Variants in MAPK14 observed in about 807,000 individuals in gnomAD.
The protein encoded by MAPK14 is CSAID-binding protein.
Under a neutral mutation model 49.6 loss-of-function variants are expected in MAPK14, and 16 were observed. The observed-to-expected ratio is 0.32, with a 90% confidence interval of 0.22 to 0.49. The LOEUF (loss-of-function observed/expected upper bound fraction) is 0.49. MAPK14 is among the 20% of genes least tolerant of loss of function. MAPK14 has a pLI of 0.99. For missense variants in MAPK14, 200 were observed against 441.2 expected, an observed-to-expected ratio of 0.45 and a Z score of 4.90; for synonymous variants, 142 against 158.0, an observed-to-expected ratio of 0.90 and a Z score of 0.76.
intron 10 of MAPK14, among the ~76,000 whole-genome samples, chr6:36,106,168 A>T (rs1765791063): frequency 6.6e-6 from 1 of 152,188 alleles, no homozygotes; most frequent in Admixed American, 6.5e-5. Flanking sequence ...CATCACCTGT[A>T]TTTTTGCTGA....
chr6:36,066,284 A>C (rs532545598), intron 3 of MAPK14, among the ~76,000 whole-genome samples: 1 of 152,228 alleles, frequency 6.6e-6, no homozygotes, highest in East Asian at 1.9e-4. Flanking sequence ...TTTCTGATCT[A>C]AGGCTATGAT....
chr6:36,040,078 G>A lies in MAPK14; in HGVS notation c.116+11805G>A, dbSNP rs116818834. On this transcript the variant is annotated intron_variant, in intron 1 of 11. Transcript: ENST00000229794. ...TAGATGGCTTTGGAAGTCCTCTGTA[G>A]TTTTGGATCTTGAAGCATTTTAGGT... Among the ~76,000 whole-genome samples, 152 of 151,994 alleles carry A rather than the reference G, an allele frequency of 1.0e-3. 1 individual carries two copies. Among genetic ancestry groups the A allele is most frequent in the African/African-American group, 3.5e-3 (146 of 41,466 alleles).
At chr6:36,040,588 G>A (rs1762927570) in intron 1 of MAPK14, among the ~76,000 whole-genome samples, 1 of 152,208 alleles carries the variant, frequency 6.6e-6, no homozygotes, top group Non-Finnish European at 1.5e-5. Flanking sequence ...ACTTGCACAA[G>A]CATGTTTGCA....
chr6:36,103,322 A>ATTTATTTAT (rs143121066), intron 10 of MAPK14, among the ~76,000 whole-genome samples: 3 of 147,286 alleles, frequency 2.0e-5, no homozygotes, highest in South Asian at 4.3e-4. Flanking sequence ...CTTTATTATT[A>ATTTATTTAT]TTATTTATTT....
In MAPK14 at chr6:36,073,114, C is replaced by T. The variant is rs571725770; in HGVS notation, c.417+130C>T. 1.5e-4 allele frequency: 101 copies of T among 678,852 alleles called. 1 individual carries two copies. In the Middle Eastern group the frequency reaches 3.3e-3, roughly 22 times the overall value. 42.1% of individuals were successfully genotyped at this position (678,852 alleles called of 1,614,324 possible). On this transcript the variant is annotated intron_variant, in intron 4 of 11. Transcript: ENST00000229794. ...AACACATAAAATCACAGGTAAAGGT[C>T]ATATAGTACAGTAAACTGCCATGTT...
At chr6:36,036,699 G>T (rs1325883655) in intron 1 of MAPK14, among the ~76,000 whole-genome samples, 1 of 152,036 alleles carries the variant, frequency 6.6e-6, no homozygotes, top group Admixed American at 6.6e-5. Flanking sequence ...CTTGCTGAAG[G>T]CTCAGGTGAC....
Position 36,084,441 on chromosome 6 carries a change from A to G in MAPK14, c.682+7833A>G, listed in dbSNP as rs112096177. Among the ~76,000 whole-genome samples the G allele has an allele frequency of 3.9e-3, 598 of 152,324 alleles. 4 individuals carry two copies. The highest frequency in any genetic ancestry group is 0.014 in the African/African-American group (563 of 41,564). On this transcript the variant is annotated intron_variant, in intron 8 of 11. Coordinates refer to ENST00000229794, the MANE Select transcript of MAPK14 (RefSeq NM_139012.3). ...TGTTCTAACCCAATGCAAAGAATCT[A>G]AGAACCATGATAAAACATTACAGGA... is the stretch of plus-strand genomic sequence containing the variant.
chr6:36,032,581 A>G (rs1762584477), intron 1 of MAPK14, among the ~76,000 whole-genome samples: 1 of 152,210 alleles, frequency 6.6e-6, no homozygotes, highest in African/African-American at 2.4e-5. Context: ...ACTGGTAACC[A>G]TGAAATAGGA....
rs1368226839 is a variant in MAPK14 at position 36,096,145 on chromosome 6, GGT to G, written c.762+84_762+85del. On this transcript the variant is annotated intron_variant, in intron 9 of 11. Coordinates refer to ENST00000229794, the MANE Select transcript of MAPK14 (RefSeq NM_139012.3). The stretch of plus-strand genomic sequence containing the variant: ...TTCTACCAATCTGTACTTTGACCTG[GGT>G]GTGTTTGTAAGCACACATGCCCTTT... The G allele has an allele frequency of 3.0e-6, 3 of 1,001,048 alleles. No individual in the cohort carries two copies. In the African/African-American group the frequency reaches 4.8e-5, roughly 16 times the overall value. The allele number at this position is 1,001,048 out of a possible 1,614,324, so 62.0% of individuals were successfully genotyped here. A position where few individuals can be genotyped will look rare whatever the true frequency, so the allele number is the denominator to read the frequency against.
chr6:36,110,583 C>G lies in MAPK14; in HGVS notation c.*2136C>G, dbSNP rs1355962458. 2 of 152,658 alleles carry G rather than the reference C, an allele frequency of 1.3e-5. No individual in the cohort carries two copies. Among genetic ancestry groups the G allele is most frequent in the East Asian group, 3.8e-4 (2 of 5,204 alleles). The allele number at this position is 152,658 out of a possible 1,614,324, so 9.5% of individuals were successfully genotyped here. On this transcript the variant is annotated 3_prime_UTR_variant, in exon 12 of 12. Coordinates refer to ENST00000229794, the MANE Select transcript of MAPK14 (RefSeq NM_139012.3). Reference sequence around the variant, plus strand: ...CTCTAAGCTGGAGCTCTTGGAAGAGCTCTTCGGTTTCTGAGCATAATGCTC... The same window carrying G: ...CTCTAAGCTGGAGCTCTTGGAAGAGGTCTTCGGTTTCTGAGCATAATGCTC...
At chr6:36,060,985 A>G (rs368821901) in intron 3 of MAPK14, among the ~76,000 whole-genome samples, 1 of 152,220 alleles carries the variant, frequency 6.6e-6, no homozygotes, top group Non-Finnish European at 1.5e-5. Context: ...TTGATACAAC[A>G]ATATGGAGGC....
Position 36,028,589 on chromosome 6 carries a change from A to G in MAPK14, c.116+316A>G, listed in dbSNP as rs61763100. On this transcript the variant is annotated intron_variant, in intron 1 of 11. Coordinates refer to ENST00000229794, the MANE Select transcript of MAPK14 (RefSeq NM_139012.3). This position sits in a 1 kb window ranked among gnomAD's most constrained non-coding sequence, Gnocchi z 5.1. ...CTGCTCGGCAACAGGCACCGGGGGA[A>G]GGGCCGCTTCCTTGGGGGTCTCCCT... Among the ~76,000 whole-genome samples, 212 of 152,228 alleles carry G rather than the reference A, an allele frequency of 1.4e-3. 1 individual carries two copies. Among genetic ancestry groups the G allele is most frequent in the Non-Finnish European group, 2.4e-3 (163 of 67,980 alleles).
chr6:36,112,343 G>C (rs750269886), downstream of MAPK14, among the ~76,000 whole-genome samples: 12 of 152,264 alleles, frequency 7.9e-5, no homozygotes, highest in Non-Finnish European at 5.9e-5. Context: ...ACCACAAAAA[G>C]CTCCCCTGAA....
the MAPK14 span, among the ~76,000 whole-genome samples, chr6:36,121,943 T>G: frequency 6.6e-6 from 1 of 152,242 alleles, no homozygotes. Context: ...TTAAGTTACA[T>G]GTATGTAAAG....
At position 36,027,995 on chromosome 6, in the gene MAPK14, CCG is replaced by C; in HGVS notation, c.-154_-153del. 1 of 447,484 alleles carries C rather than the reference CCG, an allele frequency of 2.2e-6. No homozygotes were observed. Among genetic ancestry groups the C allele is most frequent in the Non-Finnish European group, 3.9e-6 (1 of 256,096 alleles). 27.7% of individuals were successfully genotyped at this position (447,484 alleles called of 1,614,324 possible). ...ATCCAGCCGCTGCGGCTGACAGCAG[CCG>C]CGCGCGCGGGAGTCTGCGGGGTCGC... is the stretch of plus-strand genomic sequence containing the variant. On this transcript the variant is annotated 5_prime_UTR_variant, in exon 1 of 12. Coordinates refer to ENST00000229794, the MANE Select transcript of MAPK14 (RefSeq NM_139012.3).
At chr6:36,072,393 A>C (rs1016829001) in intron 3 of MAPK14, among the ~76,000 whole-genome samples, 10 of 152,218 alleles carry the variant, frequency 6.6e-5, no homozygotes, top group Non-Finnish European at 1.0e-4. Context: ...CCTTCCCCCC[A>C]AAAAATGAGT....
chr6:36,040,359 T>C (rs548120532), intron 1 of MAPK14, among the ~76,000 whole-genome samples: 1 of 152,306 alleles, frequency 6.6e-6, no homozygotes, highest in Middle Eastern at 3.4e-3. Flanking sequence ...ACCACTTATA[T>C]AACCCTATAT....
At chr6:36,104,419 G>A (rs1173745663) in intron 10 of MAPK14, among the ~76,000 whole-genome samples, 6 of 151,660 alleles carry the variant, frequency 4.0e-5, no homozygotes, top group Admixed American at 1.3e-4. Context: ...ACAGAGTCTC[G>A]CTCTGTCGTC....
At chr6:36,063,463 G>T (rs920582281) in intron 3 of MAPK14, among the ~76,000 whole-genome samples, 1 of 152,114 alleles carries the variant, frequency 6.6e-6, no homozygotes, top group Non-Finnish European at 1.5e-5. Context: ...AGTGGTGCAT[G>T]CCTGTAGTCC....
Sources: gnomAD v4.1 joint callset for allele counts (sites outside exome capture counted in the v4.1 genomes callset) on GRCh38, gnomAD v4.1.1 for gene constraint, Gnocchi (gnomAD v3.1) non-coding constraint, MANE v1.5 for transcripts, NCBI Gene and HGNC (gene_info 2026-07-23, HGNC 2026-07-21) for gene names.